PCNX2: variants seen among roughly 807,000 people sequenced by gnomAD.
The protein encoded by PCNX2 is pecanex 2.
Under a neutral mutation model 223.8 loss-of-function variants are expected in PCNX2, and 168 were observed. The observed-to-expected ratio is 0.75, with a 90% confidence interval of 0.66 to 0.85. The LOEUF (loss-of-function observed/expected upper bound fraction) is 0.85. PCNX2 is among the 40% of genes least tolerant of loss of function. PCNX2 has a pLI of 0.00. For synonymous variants in PCNX2, 1,006 were observed against 1,052.6 expected (o/e 0.96, Z 0.86); for missense variants, 2,507 against 2,675.5 (o/e 0.94, Z 1.39).
chr1:232,994,360 G>T (rs1669804542), intron 32 of PCNX2, among the ~76,000 whole-genome samples: 1 of 152,370 alleles, frequency 6.6e-6, no homozygotes, highest in Admixed American at 6.5e-5. Flanking sequence ...TGTTGGACTT[G>T]CATGGGGCCT....
chr1:233,191,442 G>A (rs954865817), intron 15 of PCNX2, among the ~76,000 whole-genome samples: 2 of 152,134 alleles, frequency 1.3e-5, no homozygotes, highest in African/African-American at 4.8e-5. Flanking sequence ...AAAGTGTGGG[G>A]TCCCAGTCCA....
At chr1:233,004,151 A>G (rs939077828) in intron 28 of PCNX2, among the ~76,000 whole-genome samples, 2 of 152,150 alleles carry the variant, frequency 1.3e-5, no homozygotes, top group Non-Finnish European at 2.9e-5. Flanking sequence ...AAAAAAAAAA[A>G]GAATTCAATT....
At chr1:233,250,885 A>G (rs766131965) in intron 7 of PCNX2, 53 bp from the exon 8 acceptor site, 105 of 1,512,604 alleles carry the variant, frequency 6.9e-5, no homozygotes, top group Non-Finnish European at 8.8e-5. Flanking sequence ...TTCATATAGA[A>G]TCGTTTCAAC....
chr1:233,298,491 G>C, upstream of PCNX2, among the ~76,000 whole-genome samples: 1 of 152,224 alleles, frequency 6.6e-6, no homozygotes, highest in East Asian at 1.9e-4. Context: ...GGCAAAGTCA[G>C]CTGCTCCTTA....
At position 233,132,979 on chromosome 1, in the gene PCNX2, A is replaced by T. The variant is rs910518561; in HGVS notation, c.3837+2034T>A. Among the ~76,000 whole-genome samples, 3 of 149,636 alleles carry T rather than the reference A, an allele frequency of 2.0e-5. No individual in the cohort carries two copies. The East Asian group carries it at 5.9e-4, about 30-fold the overall frequency. On this transcript the variant is annotated intron_variant, in intron 21 of 33. Transcript: ENST00000258229. ...AGTGGCGCAATCTCGGCTCACTGCA[A>T]CCTCCACCTCCTGGGTTCGAGCAAT... is the stretch of plus-strand genomic sequence containing the variant.
At chr1:232,985,950 T>C (rs2102772604) in intron 33 of PCNX2, 142 bp downstream of exon 33, 1 of 919,604 alleles carries the variant, frequency 1.1e-6, no homozygotes, top group East Asian at 2.6e-5. Context: ...ATCACTGTCC[T>C]TTGTCACTCT....
chr1:233,009,347 A>T (rs1670389503), intron 28 of PCNX2, among the ~76,000 whole-genome samples: 1 of 152,186 alleles, frequency 6.6e-6, no homozygotes, highest in Non-Finnish European at 1.5e-5. Context: ...AACTAAGCAC[A>T]TTTGAATTGC....
At chr1:233,057,612 G>T (rs1363839191) in intron 23 of PCNX2, 1 of 229,274 alleles carries the variant, frequency 4.4e-6, no homozygotes, top group Admixed American at 5.4e-5. Context: ...GCTCATGCCT[G>T]TAATCCCAAC....
At chr1:233,155,764 C>G (rs2102811344) in intron 19 of PCNX2, among the ~76,000 whole-genome samples, 1 of 152,254 alleles carries the variant, frequency 6.6e-6, no homozygotes, top group African/African-American at 2.4e-5. Context: ...TCAATCAGGT[C>G]CAACTTTGTA....
At chr1:233,070,824 C>T (rs994882467) in intron 23 of PCNX2, among the ~76,000 whole-genome samples, 2 of 152,122 alleles carry the variant, frequency 1.3e-5, no homozygotes, top group Non-Finnish European at 1.5e-5. Flanking sequence ...ATCACGAGGT[C>T]TGGAGATCGA....
chr1:233,144,912 C>T (rs1677335770), intron 19 of PCNX2, among the ~76,000 whole-genome samples: 1 of 150,552 alleles, frequency 6.6e-6, no homozygotes, highest in Non-Finnish European at 1.5e-5. Context: ...CATTTTTTCC[C>T]ACTTAGGGCC....
intron 5 of PCNX2, among the ~76,000 whole-genome samples, chr1:233,255,792 C>T (rs1196238725): frequency 6.6e-6 from 1 of 152,188 alleles, no homozygotes; most frequent in Non-Finnish European, 1.5e-5. Flanking sequence ...ATTTCCTAAG[C>T]TGCTAATATC....
intron 1 of PCNX2, among the ~76,000 whole-genome samples, chr1:233,281,172 T>C (rs1437358530): frequency 6.6e-6 from 1 of 152,226 alleles, no homozygotes; most frequent in East Asian, 1.9e-4. Context: ...GAGTGAAATA[T>C]TTGTGTCAGG....
At chr1:233,092,240 A>G (rs868397561) in intron 22 of PCNX2, among the ~76,000 whole-genome samples, 10 of 152,204 alleles carry the variant, frequency 6.6e-5, no homozygotes, top group Non-Finnish European at 1.5e-4. Context: ...GGGCTTGCAG[A>G]GGAACCAGGA....
chr1:233,291,568 A>C, intron 1 of PCNX2: 3 of 671,642 alleles, frequency 4.5e-6, no homozygotes, highest in Non-Finnish European at 5.5e-6. Flanking sequence ...AGATTGCGCC[A>C]TTGCACTCCA....
In PCNX2 at chr1:233,258,844, C is replaced by A. The variant is rs778056480; in HGVS notation, c.1018G>T (p.Asp340Tyr). The A allele has an allele frequency of 7.4e-6, 12 of 1,613,806 alleles. No individual in the cohort carries two copies. The Admixed American group carries it at 1.0e-4, about 13-fold the overall frequency. The stretch of plus-strand genomic sequence containing the variant: ...TCCACTTCCTGGTGCAAGGGCAGGT[C>A]CCCCTGGCAGGAGGTATCTACCTGA... ...SCQVDTSCQG[D>Y]LPLHQEVDSS... is the part of the protein sequence containing the mutation. The change falls in exon 5 of 34, where the codon GAC becomes TAC. Residue 340 changes from aspartate (D) to tyrosine (Y), a missense_variant. Asp to Tyr is a radical substitution (Grantham distance 160). Coordinates refer to ENST00000258229, the MANE Select transcript of PCNX2 (RefSeq NM_014801.4).
intron 25 of PCNX2, among the ~76,000 whole-genome samples, chr1:233,039,246 C>T (rs1441233812): frequency 6.6e-6 from 1 of 152,084 alleles, no homozygotes; most frequent in African/African-American, 2.4e-5. Flanking sequence ...ATTTAACCCA[C>T]CTTCCTCCCT....
chr1:233,324,431 G>A, the PCNX2 span, among the ~76,000 whole-genome samples: 4 of 152,114 alleles, frequency 2.6e-5, no homozygotes, highest in Non-Finnish European at 5.9e-5. Context: ...TGACTCTCTT[G>A]TTAAGGACTA....
chr1:233,286,825 T>A (rs574987143), intron 1 of PCNX2, among the ~76,000 whole-genome samples: 33 of 151,856 alleles, frequency 2.2e-4, no homozygotes, highest in Middle Eastern at 3.4e-3. Context: ...GCCAAGGACA[T>A]CAGAAACATC....
Sources: allele counts gnomAD v4.1 joint callset (sites outside exome capture counted in the v4.1 genomes callset), GRCh38; gene constraint gnomAD v4.1.1; transcripts MANE v1.5; gene names NCBI Gene and HGNC (gene_info 2026-07-23, HGNC 2026-07-21).